GUCY1A2: variants seen among roughly 807,000 people sequenced by gnomAD.
The protein encoded by GUCY1A2 is guanylate cyclase soluble subunit alpha-2.
A neutral mutation model predicts 63.5 loss-of-function variants in GUCY1A2; 27 were observed. That is an observed-to-expected ratio of 0.43 (90% CI 0.31 to 0.59). The LOEUF (loss-of-function observed/expected upper bound fraction) is 0.59. Among genes scored for constraint, GUCY1A2 ranks in the 20% least tolerant of loss-of-function variants. The probability of loss-of-function intolerance (pLI) is 0.11; values close to 1 mark genes in which losing one functional copy is unlikely to be tolerated. For missense variants in GUCY1A2, 768 were observed against 913.3 expected, an observed-to-expected ratio of 0.84 and a Z score of 2.05; for synonymous variants, 364 against 343.5, an observed-to-expected ratio of 1.06 and a Z score of -0.66.
In GUCY1A2 at chr11:106,682,430, C is replaced by A; in HGVS notation, c.*5119G>T. Reference sequence around the variant, plus strand: ...CCTGAGACCTACTGAATCCAAATCTCTGAAGGTAAAGACTAGTCTTCTGTA... The same window carrying A: ...CCTGAGACCTACTGAATCCAAATCTATGAAGGTAAAGACTAGTCTTCTGTA... On this transcript the variant is annotated 3_prime_UTR_variant, in exon 8 of 8. Transcript: ENST00000526355. 4.8e-6 allele frequency: 1 copy of A among 209,676 alleles called. No homozygotes were observed. Among genetic ancestry groups the A allele is most frequent in the Admixed American group, 5.9e-5 (1 of 16,922 alleles). The allele number at this position is 209,676 out of a possible 1,614,324, so 13.0% of individuals were successfully genotyped here.
At chr11:106,799,029 C>A (rs1364189743) in intron 5 of GUCY1A2, among the ~76,000 whole-genome samples, 1 of 152,014 alleles carries the variant, frequency 6.6e-6, no homozygotes, top group Non-Finnish European at 1.5e-5. Context: ...GTCTCAGCCC[C>A]AAATCTCCTT....
intron 4 of GUCY1A2, among the ~76,000 whole-genome samples, chr11:106,820,351 G>A (rs1203663201): frequency 6.6e-6 from 1 of 151,996 alleles, no homozygotes; most frequent in Admixed American, 6.6e-5. Context: ...TTCAGCACAC[G>A]CTACCTTGAT....
intron 4 of GUCY1A2, among the ~76,000 whole-genome samples, chr11:106,859,007 T>A (rs1269817277): frequency 6.6e-6 from 1 of 152,112 alleles, no homozygotes; most frequent in Admixed American, 6.6e-5. Context: ...ACATAGGTTA[T>A]AAAATCTGAA....
At chr11:106,818,741 A>C (rs892778972) in intron 4 of GUCY1A2, among the ~76,000 whole-genome samples, 5 of 152,172 alleles carry the variant, frequency 3.3e-5, no homozygotes, top group Admixed American at 6.6e-5. Context: ...AAATTTTAAA[A>C]AATGCTACTC....
chr11:106,902,702 C>T (rs372771686), intron 4 of GUCY1A2, among the ~76,000 whole-genome samples: 8 of 152,310 alleles, frequency 5.3e-5, no homozygotes, highest in East Asian at 3.9e-4. Flanking sequence ...CAACCATAGT[C>T]TGAAAATATT....
rs888780663 is a variant in GUCY1A2 at position 106,679,453 on chromosome 11, C to T, written c.*8096G>A. On this transcript the variant is annotated 3_prime_UTR_variant, in exon 8 of 8. Coordinates refer to ENST00000526355, the MANE Select transcript of GUCY1A2 (RefSeq NM_000855.3). ...GAGAAGAATGTGAAGAAGAATATGG[C>T]GTAGAGTACAGCCGCCAAAAGTTTA... 5 of 195,430 alleles carry T rather than the reference C, an allele frequency of 2.6e-5. No individual in the cohort carries two copies. In the East Asian group the frequency reaches 3.2e-4, roughly 13 times the overall value. The allele number at this position is 195,430 out of a possible 1,614,324, so 12.1% of individuals were successfully genotyped here. A position where few individuals can be genotyped will look rare whatever the true frequency, so the allele number is the denominator to read the frequency against.
chr11:106,930,295 C>T (rs1343798106), intron 4 of GUCY1A2, among the ~76,000 whole-genome samples: 1 of 152,200 alleles, frequency 6.6e-6, no homozygotes, highest in Non-Finnish European at 1.5e-5. Flanking sequence ...TAGTAAATAA[C>T]AGTCTGAAGT....
At chr11:106,998,375 T>C (rs1214880926) in intron 1 of GUCY1A2, among the ~76,000 whole-genome samples, 1 of 152,228 alleles carries the variant, frequency 6.6e-6, no homozygotes, top group Non-Finnish European at 1.5e-5. Context: ...ATCATGTTTT[T>C]TCAAATTCTT....
chr11:106,755,517 A>G (rs965735778), intron 6 of GUCY1A2, among the ~76,000 whole-genome samples: 3 of 152,246 alleles, frequency 2.0e-5, no homozygotes, highest in Admixed American at 6.5e-5. Flanking sequence ...CACTGCTTTA[A>G]ATGTGTCCCA....
intron 6 of GUCY1A2, among the ~76,000 whole-genome samples, chr11:106,766,520 T>C (rs150346678): frequency 1.3e-5 from 2 of 151,744 alleles, no homozygotes; most frequent in East Asian, 3.9e-4. Flanking sequence ...ATTTTAACTA[T>C]CTTCTGTAAT....
At position 106,679,741 on chromosome 11, in the gene GUCY1A2, A is replaced by T. The variant is rs189403991; in HGVS notation, c.*7808T>A. On this transcript the variant is annotated 3_prime_UTR_variant, in exon 8 of 8. Transcript: ENST00000526355. ...AGCAGGGTTTTCTGTGGCATATGGC[A>T]GAGCTGGTATTGGGCCTTCTTTGTT... 1.6e-3 allele frequency: 348 copies of T among 219,358 alleles called. 9 individuals are homozygous for T. Among genetic ancestry groups the T allele is most frequent in the Non-Finnish European group, 1.6e-4 (18 of 109,238 alleles). The allele number at this position is 219,358 out of a possible 1,614,324, so 13.6% of individuals were successfully genotyped here.
chr11:106,843,319 C>T (rs897548430), intron 4 of GUCY1A2, among the ~76,000 whole-genome samples: 4 of 151,858 alleles, frequency 2.6e-5, no homozygotes, highest in African/African-American at 9.7e-5. Context: ...GAAGACTACA[C>T]ACTGGGTACA....
chr11:106,814,033 C>G (rs938920772), intron 4 of GUCY1A2, among the ~76,000 whole-genome samples: 1 of 152,074 alleles, frequency 6.6e-6, no homozygotes, highest in Non-Finnish European at 1.5e-5. Flanking sequence ...AGGAAACACT[C>G]TTAACCACTG....
At chr11:106,945,321 G>T (rs562380885) in intron 3 of GUCY1A2, among the ~76,000 whole-genome samples, 1 of 151,950 alleles carries the variant, frequency 6.6e-6, no homozygotes, top group East Asian at 1.9e-4. Flanking sequence ...TCACCCAGAA[G>T]AGTATCTGGC....
At chr11:106,860,693 C>T (rs761576817) in intron 4 of GUCY1A2, among the ~76,000 whole-genome samples, 14 of 151,990 alleles carry the variant, frequency 9.2e-5, no homozygotes, top group Non-Finnish European at 1.8e-4. Context: ...GCTTTCTATA[C>T]ATACTTGGCT....
At chr11:106,883,902 A>T (rs1859861706) in intron 4 of GUCY1A2, among the ~76,000 whole-genome samples, 1 of 152,128 alleles carries the variant, frequency 6.6e-6, no homozygotes, top group Non-Finnish European at 1.5e-5. Context: ...GACATGGATG[A>T]AGTTGGAAAC....
intron 4 of GUCY1A2, among the ~76,000 whole-genome samples, chr11:106,812,874 C>T (rs1250481033): frequency 2.0e-5 from 3 of 151,922 alleles, no homozygotes; most frequent in Non-Finnish European, 4.4e-5. Context: ...AAGTAAATAA[C>T]TTCCTTTTCA....
At chr11:106,689,890 G>A (rs1862592463) in intron 7 of GUCY1A2, among the ~76,000 whole-genome samples, 2 of 151,826 alleles carry the variant, frequency 1.3e-5, no homozygotes. Context: ...AGCTACTTAG[G>A]AGGCTGAGGC....
At chr11:106,826,697 C>T in intron 4 of GUCY1A2, 1 of 1,609,660 alleles carries the variant, frequency 6.2e-7, no homozygotes, top group South Asian at 1.1e-5. Flanking sequence ...AAATCCATGT[C>T]AATAGAGTCT....
Sources: allele counts gnomAD v4.1 joint callset (sites outside exome capture counted in the v4.1 genomes callset), GRCh38; gene constraint gnomAD v4.1.1; transcripts MANE v1.5; gene names NCBI Gene and HGNC (gene_info 2026-07-23, HGNC 2026-07-21).